The following LRMDA variants were observed in gnomAD, a reference collection of about 807,000 sequenced individuals.
LRMDA encodes the protein leucine-rich melanocyte differentiation-associated protein.
LRMDA carries 18 observed loss-of-function variants against 29.8 expected under a neutral mutation model. The observed-to-expected ratio is 0.60, with a 90% confidence interval of 0.42 to 0.90. LRMDA has a LOEUF of 0.90. Among genes scored for constraint, LRMDA ranks in the 40% least tolerant of loss-of-function variants. The pLI, the probability that LRMDA is intolerant of heterozygous loss-of-function variation, is 0.00. For synonymous variants in LRMDA, 125 were observed against 109.4 expected (o/e 1.14, Z -0.89); for missense variants, 273 against 273.9 (o/e 1.00, Z 0.02).
At chr10:75,663,613 A>T (rs1005278328) in intron 2 of LRMDA, among the ~76,000 whole-genome samples, 3 of 152,212 alleles carry the variant, frequency 2.0e-5, no homozygotes, top group African/African-American at 7.2e-5. Flanking sequence ...TCTGCCTTTC[A>T]GATACCCACA....
At chr10:76,463,891 C>T (rs528431178) in intron 6 of LRMDA, among the ~76,000 whole-genome samples, 11 of 149,920 alleles carry the variant, frequency 7.3e-5, no homozygotes, top group African/African-American at 2.7e-4. Context: ...CAGTCCAGTG[C>T]CTGGCACACA....
intron 2 of LRMDA, among the ~76,000 whole-genome samples, chr10:75,975,166 C>A (rs918052749): frequency 2.0e-5 from 3 of 152,244 alleles, no homozygotes; most frequent in African/African-American, 7.2e-5. Context: ...TTATCCCATT[C>A]TGTAGACACT....
At chr10:76,120,487 CA>C (rs1475608470) in intron 5 of LRMDA, among the ~76,000 whole-genome samples, 1 of 151,994 alleles carries the variant, frequency 6.6e-6, no homozygotes, top group Middle Eastern at 3.2e-3. Context: ...CATGCCTGGC[CA>C]AGTATGTGTT....
intron 5 of LRMDA, among the ~76,000 whole-genome samples, chr10:76,202,511 G>T (rs1379319157): frequency 6.6e-6 from 1 of 152,032 alleles, no homozygotes; most frequent in Non-Finnish European, 1.5e-5. Context: ...TTGGAATCCG[G>T]ATGCTGGAGT....
At chr10:75,914,634 T>C (rs1456877854) in intron 2 of LRMDA, among the ~76,000 whole-genome samples, 1 of 152,226 alleles carries the variant, frequency 6.6e-6, no homozygotes, top group Non-Finnish European at 1.5e-5. Context: ...GTGATTGGCA[T>C]GTCATGGTCA....
intron 6 of LRMDA, among the ~76,000 whole-genome samples, chr10:76,364,360 T>C (rs1185021766): frequency 1.3e-5 from 2 of 152,176 alleles, no homozygotes; most frequent in Non-Finnish European, 2.9e-5. Context: ...ACTTTACCAT[T>C]TTACTTGACA....
intron 2 of LRMDA, among the ~76,000 whole-genome samples, chr10:75,713,133 G>A (rs576284484): frequency 3.9e-5 from 6 of 152,290 alleles, no homozygotes; most frequent in Admixed American, 2.0e-4. Context: ...ATATTACCAA[G>A]TGACTCAATA....
chr10:76,353,856 G>A (rs1031421404), intron 6 of LRMDA, among the ~76,000 whole-genome samples: 1 of 152,130 alleles, frequency 6.6e-6, no homozygotes, highest in African/African-American at 2.4e-5. Flanking sequence ...GGGGGGACAT[G>A]TGATTTCTGG....
chr10:76,270,017 C>A (rs1254309396), intron 5 of LRMDA, among the ~76,000 whole-genome samples: 2 of 152,192 alleles, frequency 1.3e-5, no homozygotes, highest in Non-Finnish European at 2.9e-5. Context: ...TTCACTCAAG[C>A]CACTCCCCTT....
intron 2 of LRMDA, among the ~76,000 whole-genome samples, chr10:75,877,444 C>G (rs1376237874): frequency 6.6e-6 from 1 of 152,186 alleles, no homozygotes. Flanking sequence ...GGCTCTGTCT[C>G]CAGGTTGTTT....
At chr10:76,521,857 T>A (rs918847826) in intron 6 of LRMDA, among the ~76,000 whole-genome samples, 8 of 152,212 alleles carry the variant, frequency 5.3e-5, no homozygotes, top group African/African-American at 1.9e-4. Context: ...GACTGTAAGG[T>A]CCTTGCATGA....
intron 5 of LRMDA, among the ~76,000 whole-genome samples, chr10:76,202,092 G>A (rs1168316023): frequency 6.6e-6 from 1 of 152,078 alleles, no homozygotes. Context: ...AACAAGCCCC[G>A]TACCTTTCAA....
intron 2 of LRMDA, among the ~76,000 whole-genome samples, chr10:75,842,320 T>G (rs1431209754): frequency 6.6e-6 from 1 of 152,210 alleles, no homozygotes; most frequent in Non-Finnish European, 1.5e-5. Flanking sequence ...TATTTTTAAT[T>G]TTGTCAGTAA....
intron 6 of LRMDA, among the ~76,000 whole-genome samples, chr10:76,473,556 A>G (rs910911501): frequency 2.0e-5 from 3 of 151,506 alleles, no homozygotes; most frequent in Non-Finnish European, 4.4e-5. Flanking sequence ...TGCAGATTGG[A>G]AAGAAAGAAG....
chr10:75,562,998 A>G (rs1437493701), intron 2 of LRMDA, among the ~76,000 whole-genome samples: 6 of 151,980 alleles, frequency 3.9e-5, no homozygotes, highest in East Asian at 1.9e-4. Context: ...GAATCTGACA[A>G]TTATGTGTCT....
intron 2 of LRMDA, among the ~76,000 whole-genome samples, chr10:75,696,207 G>T (rs775298310): frequency 2.4e-4 from 36 of 152,192 alleles, no homozygotes; most frequent in Non-Finnish European, 4.9e-4. Context: ...AAATCTCAAA[G>T]GAATAAAATA....
intron 5 of LRMDA, among the ~76,000 whole-genome samples, chr10:76,208,961 C>T (rs1851586997): frequency 6.6e-6 from 1 of 152,034 alleles, no homozygotes; most frequent in Non-Finnish European, 1.5e-5. Flanking sequence ...CAAGACCAGC[C>T]TGGCCAATGT....
chr10:75,975,726 T>A (rs950812021), intron 2 of LRMDA, among the ~76,000 whole-genome samples: 16 of 152,320 alleles, frequency 1.1e-4, no homozygotes, highest in African/African-American at 3.1e-4. Flanking sequence ...TAAAGTTCTT[T>A]TAGAATAGAA....
At chr10:76,012,380 C>T (rs2132481289) in intron 2 of LRMDA, among the ~76,000 whole-genome samples, 1 of 152,258 alleles carries the variant, frequency 6.6e-6, no homozygotes, top group Middle Eastern at 3.4e-3. Context: ...TCATGTCCCA[C>T]TCCTATGGTG....
Sources: allele counts gnomAD v4.1 joint callset (sites outside exome capture counted in the v4.1 genomes callset), GRCh38; gene constraint gnomAD v4.1.1; transcripts MANE v1.5; gene names NCBI Gene and HGNC (gene_info 2026-07-23, HGNC 2026-07-21).